SYTL5: variants seen among roughly 807,000 people sequenced by gnomAD.
SYTL5 encodes the protein synaptotagmin like 5, also known as synaptotagmin-like protein 5.
In SYTL5, 34 loss-of-function variants were observed where a neutral mutation model predicts 55.9. The ratio of observed to expected loss-of-function variants is 0.61; its 90% CI spans 0.46 to 0.81. The LOEUF is 0.81. Ranked by LOEUF, SYTL5 falls within the 30% of genes least tolerant of loss-of-function variation. The probability of loss-of-function intolerance (pLI) is 0.00; values close to 1 mark genes in which losing one functional copy is unlikely to be tolerated. For missense variants in SYTL5, 637 were observed against 546.7 expected, an observed-to-expected ratio of 1.17 and a Z score of -1.65; for synonymous variants, 221 against 188.7, an observed-to-expected ratio of 1.17 and a Z score of -1.40.
At chrX:37,908,518 A>T in the SYTL5 span, among the ~76,000 whole-genome samples, 4 of 111,715 alleles carry the variant, frequency 3.6e-5, no homozygotes, top group African/African-American at 1.3e-4. Context: ...TATTTGGGGA[A>T]CTGACCAGAA....
the SYTL5 span, among the ~76,000 whole-genome samples, chrX:37,918,580 A>C: frequency 1.2e-4 from 14 of 112,292 alleles, no homozygotes; most frequent in African/African-American, 4.2e-4. Flanking sequence ...GCTGTTGTGC[A>C]TCATTTTATG....
Position 38,007,738 on chromosome X carries a change from A to T in SYTL5, c.-357+1070A>T, listed in dbSNP as rs1350040233. Among the ~76,000 whole-genome samples the T allele has an allele frequency of 2.7e-5, 3 of 111,262 alleles. No homozygotes were observed. In the Admixed American group the frequency reaches 2.9e-4, roughly 11 times the overall value. ...TAAATGCATGAAGCCATTTGTTTGG[A>T]CTCTAGTGAAATCCTTAAATTGGTC... On this transcript the variant is annotated intron_variant, in intron 1 of 16. Transcript: ENST00000297875.
chrX:37,949,628 A>T, the SYTL5 span, among the ~76,000 whole-genome samples: 2 of 111,500 alleles, frequency 1.8e-5, no homozygotes, highest in Non-Finnish European at 3.8e-5. Context: ...AACATGAAAA[A>T]AGGAAAAAAT....
At chrX:38,005,387 G>A (rs1038255877), upstream of SYTL5, among the ~76,000 whole-genome samples, 1 of 111,503 alleles carries the variant, frequency 9.0e-6, no homozygotes, top group Non-Finnish European at 1.9e-5. Flanking sequence ...ACCCAAAAAT[G>A]TCCAGTTGTT....
chrX:37,991,325 G>A, the SYTL5 span: 1 of 1,032,312 alleles, frequency 9.7e-7, no homozygotes, highest in Non-Finnish European at 1.3e-6. Context: ...GTATGTTTCT[G>A]ACTCCTCTCA....
chrX:38,038,840 C>T (rs1935195987), intron 2 of SYTL5, among the ~76,000 whole-genome samples: 1 of 111,912 alleles, frequency 8.9e-6, no homozygotes, highest in Non-Finnish European at 1.9e-5. Context: ...GTTTGGGAGG[C>T]AGTGGATTTA....
chrX:38,065,203 T>C (rs1309458923), intron 3 of SYTL5, among the ~76,000 whole-genome samples: 1 of 112,001 alleles, frequency 8.9e-6, no homozygotes, highest in Non-Finnish European at 1.9e-5. Flanking sequence ...GTTTTAGACA[T>C]TTCTTATTGT....
rs1937692020 is a variant in SYTL5, at chrX:38,127,756, T to C, written c.*1026T>C. 8.9e-6 allele frequency: 1 copy of C among 112,321 alleles called. No homozygotes were observed. Among genetic ancestry groups the C allele is most frequent in the Non-Finnish European group, 1.9e-5 (1 of 53,301 alleles). 9.3% of individuals were successfully genotyped at this position (112,321 alleles called of 1,213,427 possible). A position where few individuals can be genotyped will look rare whatever the true frequency, so the allele number is the denominator to read the frequency against. On this transcript the variant is annotated 3_prime_UTR_variant, in exon 17 of 17. Coordinates refer to ENST00000297875, the MANE Select transcript of SYTL5 (RefSeq NM_138780.3). ...AGTGGCTTAAAATGACCATCCTTTTTCTCACAGTTATGAAGATTGGCTATG... is the reference window on the plus strand; with the variant it reads ...AGTGGCTTAAAATGACCATCCTTTTCCTCACAGTTATGAAGATTGGCTATG...
At chrX:38,099,041 T>G in intron 9 of SYTL5, among the ~76,000 whole-genome samples, 1 of 110,628 alleles carries the variant, frequency 9.0e-6, no homozygotes, top group Non-Finnish European at 1.9e-5. Flanking sequence ...GGGAGCTTAT[T>G]GGGTTGAAAA....
the SYTL5 span, among the ~76,000 whole-genome samples, chrX:37,894,168 A>G: frequency 2.2e-4 from 25 of 111,945 alleles, no homozygotes; most frequent in Non-Finnish European, 3.9e-4. Context: ...ATTTATGACT[A>G]TATCACAGTT....
At chrX:38,048,909 G>A (rs1935550560) in intron 2 of SYTL5, among the ~76,000 whole-genome samples, 1 of 112,121 alleles carries the variant, frequency 8.9e-6, no homozygotes, top group South Asian at 3.7e-4. Flanking sequence ...GCATGTGGAA[G>A]CTACAGCACA....
intron 3 of SYTL5, 87 bp from the exon 4 acceptor site, chrX:38,071,960 C>T: frequency 1.7e-6 from 1 of 575,827 alleles, no homozygotes; most frequent in Non-Finnish European, 2.9e-6. Context: ...AAATAATTTG[C>T]TGTTTTCAGT....
chrX:38,016,106 C>A, intron 1 of SYTL5, among the ~76,000 whole-genome samples: 1 of 111,292 alleles, frequency 9.0e-6, no homozygotes, highest in African/African-American at 3.3e-5. Context: ...CCTAAAATTC[C>A]ATTCTTCTCT....
chrX:37,998,596 C>T, the SYTL5 span, among the ~76,000 whole-genome samples: 2 of 111,940 alleles, frequency 1.8e-5, no homozygotes, highest in Non-Finnish European at 3.8e-5. Flanking sequence ...CCTCACACAC[C>T]CCTTGCCGTT....
intron 13 of SYTL5, among the ~76,000 whole-genome samples, chrX:38,115,462 C>T (rs1186242025): frequency 7.0e-5 from 5 of 71,508 alleles, no homozygotes; most frequent in Non-Finnish European, 1.2e-4. Context: ...CCAGCCTGGG[C>T]GACAGAGCGA....
intron 1 of SYTL5, among the ~76,000 whole-genome samples, chrX:38,028,270 G>T (rs1934842969): frequency 8.9e-6 from 1 of 112,137 alleles, no homozygotes; most frequent in African/African-American, 3.2e-5. Flanking sequence ...GGCTTTTATT[G>T]GCTCTACAAA....
At chrX:38,087,266 T>C (rs1439458380) in intron 6 of SYTL5, among the ~76,000 whole-genome samples, 3 of 111,866 alleles carry the variant, frequency 2.7e-5, no homozygotes, top group Non-Finnish European at 5.6e-5. Flanking sequence ...AAAGAACCTA[T>C]GGTCACAGTA....
At chrX:38,052,168 A>G (rs1478112460) in intron 2 of SYTL5, among the ~76,000 whole-genome samples, 1 of 111,572 alleles carries the variant, frequency 9.0e-6, no homozygotes, top group African/African-American at 3.3e-5. Context: ...GGAATGATGT[A>G]CTCTGTAAGA....
the SYTL5 span, among the ~76,000 whole-genome samples, chrX:37,950,130 G>C: frequency 5.4e-5 from 6 of 111,567 alleles, no homozygotes; most frequent in Admixed American, 9.5e-5. Flanking sequence ...GGAACTTCAA[G>C]AAGTTTGAAA....
Sources: allele counts gnomAD v4.1 joint callset (sites outside exome capture counted in the v4.1 genomes callset), GRCh38; gene constraint gnomAD v4.1.1; transcripts MANE v1.5; gene names NCBI Gene and HGNC (gene_info 2026-07-23, HGNC 2026-07-21).